GULP1: variants seen among roughly 807,000 people sequenced by gnomAD.
GULP1 encodes the protein GULP PTB domain containing engulfment adaptor 1.
Under a neutral mutation model 40.9 loss-of-function variants are expected in GULP1, and 19 were observed. The observed-to-expected ratio is 0.46, with a 90% CI of 0.32 to 0.68. The LOEUF (loss-of-function observed/expected upper bound fraction) is 0.68. Ranked by LOEUF, GULP1 falls within the 30% of genes least tolerant of loss-of-function variation. The pLI is 0.03. For synonymous variants in GULP1, 119 were observed against 117.6 expected, an observed-to-expected ratio of 1.01 and a Z score of -0.08; for missense variants, 312 against 362.2, an observed-to-expected ratio of 0.86 and a Z score of 1.12.
At chr2:188,563,440 TTGAC>T (rs1369026908) in intron 7 of GULP1, among the ~76,000 whole-genome samples, 3 of 150,710 alleles carry the variant, frequency 2.0e-5, no homozygotes, top group Non-Finnish European at 3.0e-5. Flanking sequence ...ATTTACCAAA[TTGAC>T]AGAAAAGAAG....
chr2:188,321,730 C>T (rs1444562462), intron 1 of GULP1, among the ~76,000 whole-genome samples: 1 of 151,718 alleles, frequency 6.6e-6, no homozygotes, highest in African/African-American at 2.4e-5. Context: ...AAAGATTACT[C>T]AGGTAGCCAA....
At chr2:188,458,327 T>A (rs1330107398) in intron 2 of GULP1, among the ~76,000 whole-genome samples, 2 of 152,176 alleles carry the variant, frequency 1.3e-5, no homozygotes, top group African/African-American at 4.8e-5. Context: ...TAAATACATA[T>A]TCAATAGCTC....
chr2:188,548,413 T>C (rs1452339516), intron 7 of GULP1, among the ~76,000 whole-genome samples: 2 of 152,098 alleles, frequency 1.3e-5, no homozygotes, highest in Non-Finnish European at 2.9e-5. Flanking sequence ...GAAATTTGTA[T>C]GCTGAAAATT....
At chr2:188,410,603 A>G (rs1575078857) in intron 2 of GULP1, among the ~76,000 whole-genome samples, 1 of 152,198 alleles carries the variant, frequency 6.6e-6, no homozygotes, top group Admixed American at 6.5e-5. Context: ...TGCTTTCCTC[A>G]TGACTAATCA....
chr2:188,464,573 C>T (rs1337695909), intron 2 of GULP1, among the ~76,000 whole-genome samples: 1 of 152,186 alleles, frequency 6.6e-6, no homozygotes, highest in Non-Finnish European at 1.5e-5. Context: ...GCCAGCCAGG[C>T]CTGTGTTCTT....
In GULP1 at chr2:188,383,648, A is replaced by T. The variant is rs896530355; in HGVS notation, c.-171-115A>T. 4.6e-5 allele frequency: 7 copies of T among 152,344 alleles called. 1 individual carries two copies. In the South Asian group the frequency reaches 8.3e-4, roughly 18 times the overall value. The allele number at this position is 152,344 out of a possible 1,614,324, so 9.4% of individuals were successfully genotyped here. ...TCCCTATTATTTGGTAACTTTCTTG[A>T]ACATTTGCAAGAAGCATAATTGGAA... is the stretch of plus-strand genomic sequence containing the variant. On this transcript the variant is annotated intron_variant, in intron 1 of 11. Transcript: ENST00000409830.
At chr2:188,487,364 A>G (rs897413223) in intron 4 of GULP1, among the ~76,000 whole-genome samples, 1 of 152,076 alleles carries the variant, frequency 6.6e-6, no homozygotes, top group African/African-American at 2.4e-5. Flanking sequence ...ATGAAGTTAT[A>G]AAGAGATTAC....
chr2:188,343,636 T>C (rs947383540), intron 1 of GULP1, among the ~76,000 whole-genome samples: 2 of 152,206 alleles, frequency 1.3e-5, no homozygotes, highest in East Asian at 3.8e-4. Context: ...TCTTTGAGCA[T>C]GATTCTGCTG....
chr2:188,349,572 C>A (rs1370350685), intron 1 of GULP1, among the ~76,000 whole-genome samples: 1 of 152,060 alleles, frequency 6.6e-6, no homozygotes, highest in East Asian at 1.9e-4. Context: ...ATATTTTGCT[C>A]AGTTTTTAAT....
intron 1 of GULP1, among the ~76,000 whole-genome samples, chr2:188,306,067 C>T (rs10179836): frequency 0.08 from 12,167 of 152,072 alleles, 974 homozygotes; most frequent in African/African-American, 0.19. Flanking sequence ...TGTGAGCCAC[C>T]GTGCCTGGCC....
chr2:188,398,748 T>G (rs2051656426), intron 2 of GULP1, among the ~76,000 whole-genome samples: 1 of 152,216 alleles, frequency 6.6e-6, no homozygotes, highest in Non-Finnish European at 1.5e-5. Flanking sequence ...AGAGGTCACA[T>G]TCTTTATAAA....
Position 188,594,421 on chromosome 2 carries a change from A to C in GULP1, c.*410A>C, listed in dbSNP as rs1704147686. ...AATTCTGAAGAGACATGCCAATGTCAAACTAAACATGTTCTGTTTTTAAAC... is the reference window on the plus strand; with the variant it reads ...AATTCTGAAGAGACATGCCAATGTCCAACTAAACATGTTCTGTTTTTAAAC... On this transcript the variant is annotated 3_prime_UTR_variant, in exon 12 of 12. Coordinates refer to ENST00000409830, the MANE Select transcript of GULP1 (RefSeq NM_016315.4). 6.5e-6 allele frequency: 1 copy of C among 154,814 alleles called. No individual in the cohort carries two copies. Among genetic ancestry groups the C allele is most frequent in the African/African-American group, 2.4e-5 (1 of 41,480 alleles). The allele number at this position is 154,814 out of a possible 1,614,324, so 9.6% of individuals were successfully genotyped here.
At chr2:188,586,775 T>A (rs1190287939) in intron 10 of GULP1, among the ~76,000 whole-genome samples, 2 of 152,086 alleles carry the variant, frequency 1.3e-5, no homozygotes, top group African/African-American at 4.8e-5. Flanking sequence ...GGAAAAAACA[T>A]GAAAACTGGA....
At chr2:188,311,430 T>C (rs943749949) in intron 1 of GULP1, among the ~76,000 whole-genome samples, 8 of 152,086 alleles carry the variant, frequency 5.3e-5, no homozygotes, top group Non-Finnish European at 1.0e-4. Context: ...GTCTTGACCT[T>C]GTGATCCTGC....
At position 188,511,877 on chromosome 2, in the gene GULP1, C is replaced by CT. The variant is rs1489540911; in HGVS notation, c.91-10874dup. ...CTTCCTTGTCCTTTAAAGGGATAAC[C>CT]TTTTTAGAGTATTTAATTTAAAATT... On this transcript the variant is annotated intron_variant, in intron 4 of 11. Coordinates refer to ENST00000409830, the MANE Select transcript of GULP1 (RefSeq NM_016315.4). Among the ~76,000 whole-genome samples, 3 of 152,010 alleles carry CT rather than the reference C, an allele frequency of 2.0e-5. No individual in the cohort carries two copies. In the East Asian group the frequency reaches 5.8e-4, roughly 29 times the overall value.
At chr2:188,578,638 A>G (rs1700643942) in intron 9 of GULP1, among the ~76,000 whole-genome samples, 1 of 152,128 alleles carries the variant, frequency 6.6e-6, no homozygotes, top group East Asian at 1.9e-4. Context: ...CAACTTCTGT[A>G]TAATTACCAT....
At chr2:188,550,947 A>G (rs1236553874) in intron 7 of GULP1, among the ~76,000 whole-genome samples, 1 of 151,494 alleles carries the variant, frequency 6.6e-6, no homozygotes, top group Non-Finnish European at 1.5e-5. Flanking sequence ...TCTCCATTTC[A>G]TGAAATACTA....
chr2:188,437,497 A>G (rs897326771), intron 2 of GULP1, among the ~76,000 whole-genome samples: 1 of 152,156 alleles, frequency 6.6e-6, no homozygotes, highest in Non-Finnish European at 1.5e-5. Context: ...AGATTTTTAA[A>G]AAATGTATTC....
At chr2:188,416,990 C>T (rs2054666032) in intron 2 of GULP1, among the ~76,000 whole-genome samples, 1 of 152,144 alleles carries the variant, frequency 6.6e-6, no homozygotes, top group African/African-American at 2.4e-5. Context: ...CTGGAAAATA[C>T]TCTTTGTCTA....
Sources: gnomAD v4.1 joint callset for allele counts (sites outside exome capture counted in the v4.1 genomes callset) on GRCh38, gnomAD v4.1.1 for gene constraint, MANE v1.5 for transcripts, NCBI Gene and HGNC (gene_info 2026-07-23, HGNC 2026-07-21) for gene names.